Variants in FOXJ3 observed in about 807,000 individuals in gnomAD.
The protein encoded by FOXJ3 is forkhead box J3.
FOXJ3 carries 22 observed loss-of-function variants against 76.1 expected under a neutral mutation model. That is an observed-to-expected ratio of 0.29 (90% CI 0.21 to 0.41). The LOEUF is 0.41. Ranked by LOEUF, FOXJ3 falls within the 10% of genes least tolerant of loss-of-function variation. The pLI is 1.00. For synonymous variants in FOXJ3, 269 were observed against 261.2 expected (o/e 1.03, Z -0.29); for missense variants, 613 against 762.1 (o/e 0.80, Z 2.30).
chr1:42,326,298 A>G (rs1489266164), intron 1 of FOXJ3, among the ~76,000 whole-genome samples: 1 of 152,218 alleles, frequency 6.6e-6, no homozygotes, highest in East Asian at 1.9e-4. Context: ...CACTTGAACC[A>G]TAAAAATCAA....
intron 1 of FOXJ3, among the ~76,000 whole-genome samples, chr1:42,334,548 C>T (rs1656353040): frequency 6.6e-6 from 1 of 152,220 alleles, no homozygotes; most frequent in Non-Finnish European, 1.5e-5. Flanking sequence ...GGCGGGAACG[C>T]AAGCACCCTC....
intron 1 of FOXJ3, among the ~76,000 whole-genome samples, chr1:42,316,989 C>T (rs934709860): frequency 6.6e-6 from 1 of 152,050 alleles, no homozygotes; most frequent in African/African-American, 2.4e-5. Flanking sequence ...ATTCATGTAA[C>T]TAAGCACCAC....
At chr1:42,246,458 T>C (rs1383111819) in intron 4 of FOXJ3, among the ~76,000 whole-genome samples, 1 of 151,720 alleles carries the variant, frequency 6.6e-6, no homozygotes, top group Non-Finnish European at 1.5e-5. Context: ...ATTAAGGAAA[T>C]GCAAATCAAA....
chr1:42,335,326 T>G (rs577730838), upstream of FOXJ3: 3 of 152,224 alleles, frequency 2.0e-5, no homozygotes, highest in South Asian at 6.2e-4. Flanking sequence ...GTCAAGTCCC[T>G]GCGCGGTCAC....
chr1:42,251,588 A>C (rs1650053524), intron 4 of FOXJ3, among the ~76,000 whole-genome samples: 1 of 151,734 alleles, frequency 6.6e-6, no homozygotes, highest in African/African-American at 2.4e-5. Flanking sequence ...TTCTGTTTAT[A>C]TGCTGGATTA....
chr1:42,228,131 AT>A (rs762493112), intron 4 of FOXJ3, among the ~76,000 whole-genome samples, 165 bp from the exon 5 acceptor site: 41 of 152,232 alleles, frequency 2.7e-4, no homozygotes, highest in Non-Finnish European at 4.3e-4. Context: ...ATAAGAAAAT[AT>A]ATCCACTTAT....
At chr1:42,250,244 T>C (rs984033566) in intron 4 of FOXJ3, among the ~76,000 whole-genome samples, 6 of 152,228 alleles carry the variant, frequency 3.9e-5, no homozygotes, top group African/African-American at 1.4e-4. Context: ...CTAATTATTT[T>C]GTTTTCGTAT....
intron 2 of FOXJ3, among the ~76,000 whole-genome samples, chr1:42,292,100 C>A (rs1480303167): frequency 2.0e-5 from 3 of 151,774 alleles, no homozygotes; most frequent in Non-Finnish European, 4.4e-5. Context: ...GGGGACAGAA[C>A]CCTAAAGAGG....
At chr1:42,212,345 T>C (rs559993182) in intron 5 of FOXJ3, among the ~76,000 whole-genome samples, 63 of 152,048 alleles carry the variant, frequency 4.1e-4, no homozygotes, top group South Asian at 1.0e-3. Context: ...ATTCAGGATA[T>C]GAAGGAAAAA....
At chr1:42,240,495 C>G (rs1433874887) in intron 4 of FOXJ3, among the ~76,000 whole-genome samples, 1 of 152,170 alleles carries the variant, frequency 6.6e-6, no homozygotes, top group African/African-American at 2.4e-5. Flanking sequence ...CAGTGTGATG[C>G]TGGCATAGGA....
At chr1:42,193,029 AT>A (rs1646580843) in intron 8 of FOXJ3, among the ~76,000 whole-genome samples, 1 of 152,188 alleles carries the variant, frequency 6.6e-6, no homozygotes, top group African/African-American at 2.4e-5. Flanking sequence ...AAATCCTAGC[AT>A]TTTACAAGGG....
At position 42,188,879 on chromosome 1, in the gene FOXJ3, G is replaced by A. The variant is rs199944056; in HGVS notation, c.1503C>T (p.Asp501=). 19 of 1,612,890 alleles carry A rather than the reference G, an allele frequency of 1.2e-5. No individual in the cohort carries two copies. Among genetic ancestry groups the A allele is most frequent in the Non-Finnish European group, 1.5e-5 (18 of 1,179,240 alleles). Residue 501 remains aspartate, a synonymous_variant, in exon 11 of 13, where the codon GAC becomes GAT. Transcript: ENST00000361346. ...AACAAAGATCGGCAAACTGAACCTG[G>A]TCTAAAGACCAGTTCTTGAGATCTG... ...RQADLKNWSL[D]QVQFADLCSS...
chr1:42,199,935 C>G (rs1646726584), intron 6 of FOXJ3, among the ~76,000 whole-genome samples: 1 of 130,016 alleles, frequency 7.7e-6, no homozygotes, highest in Non-Finnish European at 1.5e-5. Context: ...GAATAGAAAA[C>G]TAGCCTATTT....
intron 3 of FOXJ3, among the ~76,000 whole-genome samples, chr1:42,270,330 T>TCC (rs1651777338): frequency 6.6e-6 from 1 of 152,148 alleles, no homozygotes; most frequent in South Asian, 2.1e-4. Flanking sequence ...TTAATGGTCT[T>TCC]CCCCCTCCAT....
chr1:42,326,769 T>G (rs1203062993), intron 1 of FOXJ3, among the ~76,000 whole-genome samples: 3 of 152,198 alleles, frequency 2.0e-5, no homozygotes, highest in Admixed American at 6.5e-5. Context: ...CTAAGTCTGA[T>G]ATTATCATAT....
chr1:42,316,071 G>A lies in FOXJ3; in HGVS notation c.-17-4961C>T, dbSNP rs146407508. On this transcript the variant is annotated intron_variant, in intron 1 of 12. Coordinates refer to ENST00000361346, the MANE Select transcript of FOXJ3 (RefSeq NM_014947.5). ...CTGAGTTACAAACTATCCACATTTAGGAAGCAGCCATCGCAACACACTAAC... is the reference window on the plus strand; with the variant it reads ...CTGAGTTACAAACTATCCACATTTAAGAAGCAGCCATCGCAACACACTAAC... Among the ~76,000 whole-genome samples, 288 of 152,240 alleles carry A rather than the reference G, an allele frequency of 1.9e-3. 1 individual carries two copies. Among genetic ancestry groups the A allele is most frequent in the Middle Eastern group, 6.8e-3 (2 of 294 alleles).
intron 3 of FOXJ3, among the ~76,000 whole-genome samples, chr1:42,273,471 C>T (rs543586623): frequency 2.4e-4 from 36 of 152,030 alleles, no homozygotes; most frequent in East Asian, 9.7e-4. Flanking sequence ...GTCAGGAGTT[C>T]GGAACCAGCC....
chr1:42,242,695 A>T (rs1649244987), intron 4 of FOXJ3, among the ~76,000 whole-genome samples: 1 of 152,270 alleles, frequency 6.6e-6, no homozygotes, highest in African/African-American at 2.4e-5. Context: ...TATGTGACAT[A>T]TGGGACACCA....
intron 4 of FOXJ3, among the ~76,000 whole-genome samples, chr1:42,235,574 T>C (rs1315723023): frequency 6.6e-6 from 1 of 151,732 alleles, no homozygotes; most frequent in Non-Finnish European, 1.5e-5. Flanking sequence ...TTTTTTGTTT[T>C]TTTTTTGAGA....
Sources: gnomAD v4.1 joint callset for allele counts (sites outside exome capture counted in the v4.1 genomes callset) on GRCh38, gnomAD v4.1.1 for gene constraint, MANE v1.5 for transcripts, NCBI Gene and HGNC (gene_info 2026-07-23, HGNC 2026-07-21) for gene names.